The following CDH13 variants were observed in gnomAD, a reference collection of about 807,000 sequenced individuals.
CDH13 encodes cadherin-13.
Under a neutral mutation model 63.8 loss-of-function variants are expected in CDH13, and 24 were observed. The observed-to-expected ratio is 0.38, with a 90% CI of 0.27 to 0.53. CDH13 has a LOEUF of 0.53. Among genes scored for constraint, CDH13 ranks in the 20% least tolerant of loss-of-function variants. The pLI, the probability that CDH13 is intolerant of heterozygous loss-of-function variation, is 0.85. For missense variants in CDH13, 1,049 were observed against 903.1 expected, an observed-to-expected ratio of 1.16 and a Z score of -2.07; for synonymous variants, 503 against 355.3, an observed-to-expected ratio of 1.42 and a Z score of -4.67.
At chr16:83,082,782 A>C (rs1260030945) in intron 3 of CDH13, among the ~76,000 whole-genome samples, 1 of 152,226 alleles carries the variant, frequency 6.6e-6, no homozygotes, top group Admixed American at 6.5e-5. Context: ...GCATAAGAAA[A>C]ACCTACGTGG....
At chr16:83,166,369 C>T (rs1010038456) in intron 4 of CDH13, among the ~76,000 whole-genome samples, 2 of 152,066 alleles carry the variant, frequency 1.3e-5, no homozygotes, top group African/African-American at 4.8e-5. Flanking sequence ...CCTCTCGGCC[C>T]AGACAGGAAG....
intron 1 of CDH13, among the ~76,000 whole-genome samples, chr16:82,799,369 C>A (rs575441386): frequency 6.6e-6 from 1 of 152,292 alleles, no homozygotes; most frequent in Non-Finnish European, 1.5e-5. Flanking sequence ...AAATCACTTC[C>A]TCTTGCCAAA....
chr16:83,571,091 C>T (rs575592576), intron 7 of CDH13, among the ~76,000 whole-genome samples: 3 of 151,434 alleles, frequency 2.0e-5, no homozygotes, highest in African/African-American at 7.3e-5. Flanking sequence ...AAACAGACCC[C>T]GTTGACATGC....
chr16:83,767,615 T>A (rs566186116), intron 11 of CDH13, among the ~76,000 whole-genome samples: 1 of 152,146 alleles, frequency 6.6e-6, no homozygotes, highest in Non-Finnish European at 1.5e-5. Context: ...CATCAGCTGG[T>A]GAGTAGATAA....
chr16:82,679,948 T>C (rs562417187), intron 1 of CDH13, among the ~76,000 whole-genome samples: 1 of 152,302 alleles, frequency 6.6e-6, no homozygotes, highest in Non-Finnish European at 1.5e-5. Flanking sequence ...CTTCAGTATA[T>C]CGTGATCTTC....
chr16:83,760,762 T>C (rs371450638), intron 11 of CDH13, among the ~76,000 whole-genome samples: 2 of 152,228 alleles, frequency 1.3e-5, no homozygotes, highest in African/African-American at 4.8e-5. Flanking sequence ...AAGATTTCTA[T>C]GTTTCAATAA....
chr16:83,412,459 C>G (rs1278424553), intron 6 of CDH13, among the ~76,000 whole-genome samples: 1 of 151,930 alleles, frequency 6.6e-6, no homozygotes, highest in African/African-American at 2.4e-5. Context: ...TAGACTAGGT[C>G]TCAAAAAATA....
At chr16:83,544,457 A>T (rs915935461) in intron 7 of CDH13, among the ~76,000 whole-genome samples, 1 of 152,156 alleles carries the variant, frequency 6.6e-6, no homozygotes, top group Non-Finnish European at 1.5e-5. Context: ...TAACCTGCTA[A>T]ACGCCATAGC....
intron 8 of CDH13, among the ~76,000 whole-genome samples, chr16:83,613,189 A>T (rs370171721): frequency 2.0e-5 from 3 of 152,166 alleles, no homozygotes; most frequent in East Asian, 3.8e-4. Context: ...ATTGAAAGAA[A>T]CGTGTCTCTT....
chr16:83,181,456 G>T (rs1000827362), intron 4 of CDH13, among the ~76,000 whole-genome samples: 1 of 152,242 alleles, frequency 6.6e-6, no homozygotes, highest in South Asian at 2.1e-4. Context: ...GTCCCGTCAA[G>T]TTGGAAGCTT....
chr16:83,373,965 A>G (rs1043389506), intron 6 of CDH13, among the ~76,000 whole-genome samples: 1 of 152,076 alleles, frequency 6.6e-6, no homozygotes, highest in African/African-American at 2.4e-5. Flanking sequence ...CTCAACCACC[A>G]CCTTCTGATC....
chr16:83,394,712 A>G (rs1400451590), intron 6 of CDH13, among the ~76,000 whole-genome samples: 1 of 152,206 alleles, frequency 6.6e-6, no homozygotes, highest in African/African-American at 2.4e-5. Flanking sequence ...CAAGGCAGCC[A>G]TTGAGGAGGG....
intron 3 of CDH13, among the ~76,000 whole-genome samples, chr16:83,102,027 C>A (rs2034503531): frequency 6.6e-6 from 1 of 152,168 alleles, no homozygotes; most frequent in African/African-American, 2.4e-5. Flanking sequence ...CCAATGTTAT[C>A]ACCAGGGTCC....
At chr16:83,670,568 A>G (rs923694925) in intron 8 of CDH13, among the ~76,000 whole-genome samples, 4 of 152,212 alleles carry the variant, frequency 2.6e-5, no homozygotes, top group African/African-American at 9.6e-5. Flanking sequence ...CATGGTCAGT[A>G]TCATTGCTGC....
chr16:83,333,860 A>G (rs747333189), intron 5 of CDH13, among the ~76,000 whole-genome samples: 1 of 152,314 alleles, frequency 6.6e-6, no homozygotes, highest in South Asian at 2.1e-4. Flanking sequence ...TGGTTTGGAC[A>G]ATAAATTATG....
chr16:83,666,934 C>T (rs1388704788), intron 8 of CDH13, among the ~76,000 whole-genome samples: 1 of 152,144 alleles, frequency 6.6e-6, no homozygotes, highest in Non-Finnish European at 1.5e-5. Context: ...TCCTTTCAGC[C>T]TGTAATCTCT....
intron 1 of CDH13, among the ~76,000 whole-genome samples, chr16:82,755,381 A>G (rs1370698741): frequency 6.6e-6 from 1 of 152,226 alleles, no homozygotes; most frequent in Non-Finnish European, 1.5e-5. Flanking sequence ...GAAACTGCTT[A>G]AGCAAGTTGT....
chr16:82,897,854 A>G (rs1470889587), intron 2 of CDH13, among the ~76,000 whole-genome samples: 1 of 152,210 alleles, frequency 6.6e-6, no homozygotes, highest in Non-Finnish European at 1.5e-5. Flanking sequence ...TCATTCATTT[A>G]TCATTGGCCA....
intron 1 of CDH13, among the ~76,000 whole-genome samples, chr16:82,849,829 C>G (rs1597795025): frequency 6.6e-6 from 1 of 152,292 alleles, no homozygotes; most frequent in South Asian, 2.1e-4. Context: ...TGCGTGTGCT[C>G]TACAAAAGGA....
Sources: gnomAD v4.1 joint callset for allele counts (sites outside exome capture counted in the v4.1 genomes callset) on GRCh38, gnomAD v4.1.1 for gene constraint, MANE v1.5 for transcripts, NCBI Gene and HGNC (gene_info 2026-07-23, HGNC 2026-07-21) for gene names.